The following CFAP74 variants were observed in gnomAD, a reference collection of about 807,000 sequenced individuals.
CFAP74 encodes the protein cilia and flagella associated protein 74.
Under a neutral mutation model 188.9 loss-of-function variants are expected in CFAP74, and 124 were observed. The ratio of observed to expected loss-of-function variants is 0.66; its 90% CI spans 0.57 to 0.76. The LOEUF is 0.76. Ranked by LOEUF, CFAP74 falls within the 30% of genes least tolerant of loss-of-function variation. CFAP74 has a pLI of 0.00. For synonymous variants in CFAP74, 956 were observed against 916.7 expected (o/e 1.04, Z -0.77); for missense variants, 2,198 against 2,165.2 (o/e 1.02, Z -0.30).
At position 1,968,017 on chromosome 1, in the gene CFAP74, T is replaced by C. The variant is rs1028707075; in HGVS notation, c.1245+618A>G. ...GTGAATGAGTGAGCGAATGAGTGAATGAATGAGTGAATGAGTGAATGAATA... is the reference window on the plus strand; with the variant it reads ...GTGAATGAGTGAGCGAATGAGTGAACGAATGAGTGAATGAGTGAATGAATA... On this transcript the variant is annotated intron_variant, in intron 11 of 38. Coordinates refer to ENST00000682832, the MANE Select transcript of CFAP74 (RefSeq NM_001304360.2). The surrounding 1 kb of genome is among the most constrained non-coding windows in gnomAD (Gnocchi z 4.3). Among the ~76,000 whole-genome samples, 152 of 92,110 alleles carry C rather than the reference T, an allele frequency of 1.7e-3. No homozygotes were observed. Among genetic ancestry groups the C allele is most frequent in the African/African-American group, 4.3e-3 (120 of 27,588 alleles). 60.4% of individuals were successfully genotyped at this position (92,110 alleles called of 152,430 possible).
intron 1 of CFAP74, among the ~76,000 whole-genome samples, chr1:1,996,205 A>G (rs1657905913): frequency 6.6e-6 from 1 of 152,054 alleles, no homozygotes; most frequent in Non-Finnish European, 1.5e-5. Context: ...GGCTGGTTTC[A>G]AACTCAAGAC....
At chr1:1,974,235 C>T (rs1656290314) in intron 6 of CFAP74, 37 bp from the exon 7 acceptor site, 2 of 1,552,036 alleles carry the variant, frequency 1.3e-6, no homozygotes, top group African/African-American at 1.4e-5. Flanking sequence ...AGACGGGCCC[C>T]ACAGTCATCC....
At chr1:1,938,021 TTCAG>T (rs905157769) in intron 25 of CFAP74, among the ~76,000 whole-genome samples, 5 of 150,484 alleles carry the variant, frequency 3.3e-5, no homozygotes, top group African/African-American at 9.8e-5. Context: ...AGCACTCACA[TTCAG>T]TCACATGCTC....
intron 25 of CFAP74, among the ~76,000 whole-genome samples, chr1:1,936,228 AAAAG>A (rs1652885687): frequency 6.7e-6 from 1 of 149,716 alleles, no homozygotes; most frequent in Admixed American, 6.6e-5. Flanking sequence ...AAAAAAAAAA[AAAAG>A]AAAAAAAGAA....
At position 1,958,096 on chromosome 1, in the gene CFAP74, C is replaced by T. The variant is rs906232393; in HGVS notation, c.1851+1024G>A. On this transcript the variant is annotated intron_variant, in intron 16 of 38. Transcript: ENST00000682832. The stretch of plus-strand genomic sequence containing the variant: ...CACCATCGGTGACTCTCATCCCAAC[C>T]CCTCTCCACGGCGACACGCGGTGAA... Among the ~76,000 whole-genome samples the T allele has an allele frequency of 3.3e-5, 5 of 152,348 alleles. No homozygotes were observed. The South Asian group carries it at 1.0e-3, about 32-fold the overall frequency.
rs369630047 is a variant in CFAP74, at chr1:1,970,736, C to T, written c.969G>A (p.Ala323=). Residue 323 remains alanine, a synonymous_variant, in exon 10 of 39, where the codon GCG becomes GCA. Transcript: ENST00000682832. ...ATGCATCCCTGCCCTGGGCCAGAATCGCCTTCTTCTCAGCCTGGACCCTCT... is the reference window on the plus strand; with the variant it reads ...ATGCATCCCTGCCCTGGGCCAGAATTGCCTTCTTCTCAGCCTGGACCCTCT... The part of the protein sequence containing the change: ...AEQRVQAEKK[A]ILAQGRDAFR... 6.8e-5 allele frequency: 110 copies of T among 1,614,078 alleles called. No homozygotes were observed. The highest frequency in any genetic ancestry group is 6.4e-5 in the Non-Finnish European group (75 of 1,180,026).
chr1:1,983,758 G>A (rs1382305091), intron 6 of CFAP74: 4 of 152,156 alleles, frequency 2.6e-5, no homozygotes, highest in Admixed American at 2.6e-4. Flanking sequence ...ACGCAATCTT[G>A]GCTCACTGCA....
At chr1:1,967,733 C>T (rs543387452) in intron 11 of CFAP74, among the ~76,000 whole-genome samples, 6 of 152,302 alleles carry the variant, frequency 3.9e-5, no homozygotes, top group Admixed American at 1.3e-4. Flanking sequence ...TTGGGGTACA[C>T]AAGGGCAGAG....
chr1:1,972,103 A>AT, intron 8 of CFAP74, 21 bp from the exon 9 acceptor site: 5 of 1,585,528 alleles, frequency 3.2e-6, no homozygotes, highest in Middle Eastern at 3.3e-4. Flanking sequence ...ACATTTAAAC[A>AT]TTTTTGAGGC....
At chr1:1,996,821 T>C (rs1426776178) in intron 1 of CFAP74, among the ~76,000 whole-genome samples, 1 of 148,918 alleles carries the variant, frequency 6.7e-6, no homozygotes, top group African/African-American at 2.5e-5. Context: ...CTCAGGAGGC[T>C]GAGGCAGGAG....
In CFAP74 at chr1:1,968,577, GC is replaced by G. The variant is rs773086394; in HGVS notation, c.1245+57del. The G allele has an allele frequency of 6.9e-7, 1 of 1,454,120 alleles. No individual in the cohort carries two copies. Among genetic ancestry groups the G allele is most frequent in the Non-Finnish European group, 9.5e-7 (1 of 1,049,888 alleles). 90.1% of individuals were successfully genotyped at this position (1,454,120 alleles called of 1,614,324 possible). A position where few individuals can be genotyped will look rare whatever the true frequency, so the allele number is the denominator to read the frequency against. ...TGTCTCACCACACCTGAGCCCTGAGGCCCCACCTGCCCTCCACAGGTGTGCG... is the reference window on the plus strand; with the variant it reads ...TGTCTCACCACACCTGAGCCCTGAGGCCCACCTGCCCTCCACAGGTGTGCG... On this transcript the variant is annotated intron_variant, in intron 11 of 38. Coordinates refer to ENST00000682832, the MANE Select transcript of CFAP74 (RefSeq NM_001304360.2). This position sits in a 1 kb window ranked among gnomAD's most constrained non-coding sequence, Gnocchi z 4.3.
chr1:1,971,871 C>T, intron 9 of CFAP74, 109 bp downstream of exon 9: 1 of 828,850 alleles, frequency 1.2e-6, no homozygotes, highest in Non-Finnish European at 2.0e-6. Flanking sequence ...GTGCGCGGGT[C>T]AGCCCTGGAC....
intron 25 of CFAP74, among the ~76,000 whole-genome samples, chr1:1,934,198 G>A (rs1557995886): frequency 6.6e-6 from 1 of 152,242 alleles, no homozygotes; most frequent in African/African-American, 2.4e-5. Context: ...CTGTGCAAGT[G>A]TAGAAGTGTG....
At chr1:1,961,059 T>C (rs1180455898) in intron 14 of CFAP74, among the ~76,000 whole-genome samples, 1 of 152,120 alleles carries the variant, frequency 6.6e-6, no homozygotes. Context: ...AGTAAGAAAC[T>C]TACTGAGCAA....
intron 6 of CFAP74, among the ~76,000 whole-genome samples, chr1:1,980,807 G>T (rs1656791675): frequency 6.6e-6 from 1 of 152,062 alleles, no homozygotes; most frequent in African/African-American, 2.4e-5. Flanking sequence ...AACACCCCAA[G>T]CCCAACCCCC....
intron 9 of CFAP74, 146 bp from the exon 10 acceptor site, chr1:1,970,962 TCA>T (rs1360644810): frequency 1.8e-5 from 17 of 936,394 alleles, no homozygotes; most frequent in Admixed American, 4.6e-5. Context: ...CATGCACACA[TCA>T]CACATGCACA....
chr1:1,955,524 C>T (rs565510101), intron 18 of CFAP74, 167 bp downstream of exon 18: 2 of 1,609,618 alleles, frequency 1.2e-6, no homozygotes, highest in African/African-American at 1.3e-5. Context: ...AAAAACAACA[C>T]TTAGTGGCAC....
At chr1:1,991,856 A>G (rs74761695) in intron 1 of CFAP74, among the ~76,000 whole-genome samples, 9,175 of 151,786 alleles carry the variant, frequency 0.06, 766 homozygotes, top group African/African-American at 0.18. Flanking sequence ...TGGCTAGCAC[A>G]GTGAAACCCC....
At chr1:1,993,396 T>A (rs1364581351) in intron 1 of CFAP74, among the ~76,000 whole-genome samples, 1 of 151,580 alleles carries the variant, frequency 6.6e-6, no homozygotes, top group Non-Finnish European at 1.5e-5. Flanking sequence ...TTGATCCTCC[T>A]GCTTCAGCCT....
Sources: allele counts gnomAD v4.1 joint callset (sites outside exome capture counted in the v4.1 genomes callset), GRCh38; gene constraint gnomAD v4.1.1; non-coding constraint Gnocchi (gnomAD v3.1); transcripts MANE v1.5; gene names NCBI Gene and HGNC (gene_info 2026-07-23, HGNC 2026-07-21).